PLEKHA1: variants seen among roughly 807,000 people sequenced by gnomAD.
PLEKHA1 encodes the protein pleckstrin homology domain containing A1, also known as pleckstrin homology domain-containing family A member 1.
PLEKHA1 carries 34 observed loss-of-function variants against 52.0 expected under a neutral mutation model. The ratio of observed to expected loss-of-function variants is 0.65; its 90% confidence interval spans 0.50 to 0.87. The LOEUF (loss-of-function observed/expected upper bound fraction) is 0.87, where lower values mean the gene tolerates loss of function less well. Among genes scored for constraint, PLEKHA1 ranks in the 40% least tolerant of loss-of-function variants. The pLI is 0.00. For synonymous variants in PLEKHA1, 163 were observed against 170.7 expected (o/e 0.95, Z 0.35); for missense variants, 497 against 504.2 (o/e 0.99, Z 0.14).
intron 2 of PLEKHA1, among the ~76,000 whole-genome samples, chr10:122,397,339 G>A (rs1239384969): frequency 1.3e-5 from 2 of 152,010 alleles, no homozygotes; most frequent in African/African-American, 4.8e-5. Flanking sequence ...AAACTTACGG[G>A]AAGAATGAAA....
intron 6 of PLEKHA1, among the ~76,000 whole-genome samples, chr10:122,414,534 AT>A (rs557372192): frequency 6.6e-6 from 1 of 152,282 alleles, no homozygotes; most frequent in South Asian, 2.1e-4. Context: ...GGGAGAAAAT[AT>A]TTGCAAACCA....
chr10:122,424,421 G>C (rs2097308621), intron 9 of PLEKHA1, among the ~76,000 whole-genome samples, 158 bp downstream of exon 9: 1 of 152,022 alleles, frequency 6.6e-6, no homozygotes, highest in Non-Finnish European at 1.5e-5. Flanking sequence ...AAAACCCTCA[G>C]AGTAAAGTAT....
At chr10:122,378,010 G>C (rs2096561899) in intron 1 of PLEKHA1, among the ~76,000 whole-genome samples, 2 of 152,178 alleles carry the variant, frequency 1.3e-5, no homozygotes, top group South Asian at 4.1e-4. Flanking sequence ...TTGTCAGTCT[G>C]ATAGCTTTAT....
chr10:122,406,348 A>G (rs2097015000), intron 4 of PLEKHA1, among the ~76,000 whole-genome samples: 1 of 152,214 alleles, frequency 6.6e-6, no homozygotes, highest in Non-Finnish European at 1.5e-5. Context: ...TAGGGGATTG[A>G]CTAAATGTAT....
chr10:122,417,946 TA>T lies in PLEKHA1; in HGVS notation c.660del (p.Ile220MetfsTer15). 6.2e-7 allele frequency: 1 copy of T among 1,611,676 alleles called. No individual in the cohort carries two copies. Among genetic ancestry groups the T allele is most frequent in the South Asian group, 1.1e-5 (1 of 91,032 alleles). On this transcript the variant is annotated frameshift_variant, in exon 8 of 12. Coordinates refer to ENST00000368990, the MANE Select transcript of PLEKHA1 (RefSeq NM_001001974.4). LOFTEE classifies it high-confidence loss of function. ...RRYFQLDENT[I>X]GYFKSELEKE... ...TATTTTCAATTGGATGAAAACACAA[TA>T]GGCTACTTCAAATCTGAACTGGTAT...
At chr10:122,396,848 T>A (rs1196603121) in intron 2 of PLEKHA1, among the ~76,000 whole-genome samples, 1 of 152,130 alleles carries the variant, frequency 6.6e-6, no homozygotes, top group East Asian at 1.9e-4. Flanking sequence ...TTCCCCAGAT[T>A]CTTTTGTCTG....
intron 8 of PLEKHA1, chr10:122,421,170 T>G (rs1007780067): frequency 1.3e-5 from 2 of 151,932 alleles, no homozygotes; most frequent in African/African-American, 4.8e-5. Context: ...ATGATTAAAG[T>G]GAATGTCATT....
intron 1 of PLEKHA1, among the ~76,000 whole-genome samples, chr10:122,389,892 AAC>A (rs1254681444): frequency 7.5e-6 from 1 of 134,006 alleles, no homozygotes; most frequent in Admixed American, 7.4e-5. Flanking sequence ...ATTAGCCCCT[AAC>A]AAGAGTCAGC....
chr10:122,410,444 G>T (rs1264474577), intron 5 of PLEKHA1, among the ~76,000 whole-genome samples: 3 of 152,188 alleles, frequency 2.0e-5, no homozygotes, highest in Non-Finnish European at 4.4e-5. Flanking sequence ...TGGACAGTTG[G>T]ATGGTTTGGG....
At chr10:122,414,969 A>G (rs1272053445) in intron 6 of PLEKHA1, among the ~76,000 whole-genome samples, 1 of 152,108 alleles carries the variant, frequency 6.6e-6, no homozygotes, top group African/African-American at 2.4e-5. Context: ...TTTATCGTAG[A>G]GAAAGGGAAA....
chr10:122,419,558 C>G (rs1363071400), intron 8 of PLEKHA1: 1 of 152,170 alleles, frequency 6.6e-6, no homozygotes, highest in East Asian at 1.9e-4. Flanking sequence ...ATTGAGCTCT[C>G]CATGAACCTG....
At chr10:122,407,660 T>G (rs2097041325) in intron 5 of PLEKHA1, among the ~76,000 whole-genome samples, 1 of 152,192 alleles carries the variant, frequency 6.6e-6, no homozygotes, top group South Asian at 2.1e-4. Flanking sequence ...TGCCTCACCT[T>G]TCCCTTTACA....
chr10:122,424,171 GTTTTTTTTTTTT>G lies in PLEKHA1; in HGVS notation c.682-17_682-6del, dbSNP rs34058512. The G allele has an allele frequency of 4.2e-6, 4 of 953,372 alleles. No individual in the cohort carries two copies. Among genetic ancestry groups the G allele is most frequent in the East Asian group, 3.9e-5 (1 of 25,348 alleles). 59.1% of individuals were successfully genotyped at this position (953,372 alleles called of 1,614,324 possible). On this transcript the variant is annotated splice_polypyrimidine_tract_variant and intron_variant, in intron 8 of 11. Transcript: ENST00000368990. ...TTTTAAGAATAAACATCATGTAACT[GTTTTTTTTTTTT>G]TTTTTTTTTTGCCAGGAAAAGGAAC...
In PLEKHA1 at chr10:122,393,610, T is replaced by G. The variant is rs2134020983; in HGVS notation, c.141+269T>G. On this transcript the variant is annotated intron_variant, in intron 2 of 11. Transcript: ENST00000368990. This position sits in a 1 kb window ranked among gnomAD's most constrained non-coding sequence, Gnocchi z 4.5. Reference sequence around the variant, plus strand: ...ACTCTCTCTGGTGGCAAATTAGGTTTTAGAAAATTAGAACTTGAGTCACAG... The same window carrying G: ...ACTCTCTCTGGTGGCAAATTAGGTTGTAGAAAATTAGAACTTGAGTCACAG... Among the ~76,000 whole-genome samples the G allele has an allele frequency of 6.6e-6, 1 of 152,274 alleles. No homozygotes were observed. Among genetic ancestry groups the G allele is most frequent in the African/African-American group, 2.4e-5 (1 of 41,574 alleles).
intron 6 of PLEKHA1, among the ~76,000 whole-genome samples, chr10:122,415,425 T>C (rs4751891): frequency 0.2 from 31,029 of 152,136 alleles, 4,481 homozygotes; most frequent in African/African-American, 0.41. Flanking sequence ...TAGACACACA[T>C]AGATGAATGT....
At chr10:122,419,319 A>G (rs1054782241) in intron 8 of PLEKHA1, 5 of 152,198 alleles carry the variant, frequency 3.3e-5, no homozygotes, top group African/African-American at 1.2e-4. Context: ...GATAGACAAT[A>G]AGTGTCTTTG....
chr10:122,391,199 T>C (rs1269963272), intron 1 of PLEKHA1, among the ~76,000 whole-genome samples: 2 of 151,996 alleles, frequency 1.3e-5, no homozygotes, highest in African/African-American at 2.4e-5. Context: ...TTGTCAGATA[T>C]ATAGTTTGCA....
intron 1 of PLEKHA1, among the ~76,000 whole-genome samples, chr10:122,380,027 G>A (rs1171889400): frequency 6.6e-6 from 1 of 152,140 alleles, no homozygotes; most frequent in Admixed American, 6.6e-5. Flanking sequence ...TAATATAATT[G>A]TGTCTGGTTT....
chr10:122,429,740 G>A lies in PLEKHA1; in HGVS notation c.1017G>A (p.Met339Ile), dbSNP rs2097399816. 6.2e-7 allele frequency: 1 copy of A among 1,614,010 alleles called. No homozygotes were observed. Among genetic ancestry groups the A allele is most frequent in the Non-Finnish European group, 8.5e-7 (1 of 1,180,026 alleles). Residue 339 changes from methionine (M) to isoleucine (I), a missense_variant, in exon 12 of 12, where the codon ATG becomes ATA. Transcript: ENST00000368990. ...ACTCTTTGGTCTCAACCTTTACCAT[G>A]GAGAAGCGAGGATTTTACGAGTCTC... Reference protein sequence around the residue: ...RSNSLVSTFTMEKRGFYESLA... With the variant: ...RSNSLVSTFTIEKRGFYESLA...
Sources: gnomAD v4.1 joint callset for allele counts (sites outside exome capture counted in the v4.1 genomes callset) on GRCh38, gnomAD v4.1.1 for gene constraint, Gnocchi (gnomAD v3.1) non-coding constraint, MANE v1.5 for transcripts, NCBI Gene and HGNC (gene_info 2026-07-23, HGNC 2026-07-21) for gene names.